GPC5: variants seen among roughly 807,000 people sequenced by gnomAD.
GPC5 encodes the protein glypican-5.
In GPC5, 47 loss-of-function variants were observed where a neutral mutation model predicts 53.9. The ratio of observed to expected loss-of-function variants is 0.87; its 90% CI spans 0.69 to 1.11. The LOEUF is 1.11. GPC5 is among the 50% of genes most tolerant of loss of function. The pLI is 0.00. For missense variants in GPC5, 748 were observed against 713.1 expected, an observed-to-expected ratio of 1.05 and a Z score of -0.56; for synonymous variants, 286 against 263.3, an observed-to-expected ratio of 1.09 and a Z score of -0.84.
chr13:91,513,411 A>G (rs1339872930), intron 2 of GPC5, among the ~76,000 whole-genome samples: 1 of 151,342 alleles, frequency 6.6e-6, no homozygotes, highest in Admixed American at 6.6e-5. Flanking sequence ...TCACACATGT[A>G]TGGGTTTGTG....
chr13:92,448,345 A>G (rs1877917218), intron 7 of GPC5: 1 of 152,144 alleles, frequency 6.6e-6, no homozygotes, highest in African/African-American at 2.4e-5. Context: ...ATAGCAAATG[A>G]ATGACTCATT....
chr13:91,714,164 C>A (rs550834906), intron 3 of GPC5, among the ~76,000 whole-genome samples: 1 of 152,320 alleles, frequency 6.6e-6, no homozygotes, highest in East Asian at 1.9e-4. Flanking sequence ...CAACAACTCA[C>A]CTCCTTCCTT....
chr13:92,776,174 T>C (rs1022906536), intron 7 of GPC5, among the ~76,000 whole-genome samples: 1 of 152,218 alleles, frequency 6.6e-6, no homozygotes, highest in Non-Finnish European at 1.5e-5. Context: ...TTCCAGTTTG[T>C]AGAGGTCACT....
intron 5 of GPC5, among the ~76,000 whole-genome samples, chr13:91,841,467 A>T (rs2038787324): frequency 1.3e-5 from 2 of 151,604 alleles, no homozygotes; most frequent in African/African-American, 4.8e-5. Context: ...CATTTTACAT[A>T]AAAAATTCAT....
intron 7 of GPC5, among the ~76,000 whole-genome samples, chr13:92,194,108 C>T (rs967697414): frequency 6.6e-6 from 1 of 152,064 alleles, no homozygotes; most frequent in East Asian, 1.9e-4. Context: ...TTTATGGAGT[C>T]CATTTAAGTA....
rs117936123 is a variant in GPC5, at chr13:92,726,658, C to T, written c.1562-139624C>T. Among the ~76,000 whole-genome samples the T allele has an allele frequency of 4.7e-3, 709 of 151,648 alleles. 3 individuals are homozygous for T. The highest frequency in any genetic ancestry group is 5.9e-3 in the Non-Finnish European group (402 of 67,674). ...TCTTGATAGGTGATCACATCTTGTT[C>T]CTGATCATATGTTACTTGCCTTTGA... On this transcript the variant is annotated intron_variant, in intron 7 of 7. Transcript: ENST00000377067.
intron 4 of GPC5, among the ~76,000 whole-genome samples, chr13:91,730,071 G>T (rs1020726979): frequency 1.3e-5 from 2 of 152,186 alleles, no homozygotes; most frequent in African/African-American, 4.8e-5. Context: ...CATTGTCCAT[G>T]AATCAGCATA....
intron 7 of GPC5, among the ~76,000 whole-genome samples, chr13:92,801,751 T>C (rs1020788841): frequency 1.3e-5 from 2 of 151,806 alleles, no homozygotes; most frequent in African/African-American, 4.8e-5. Flanking sequence ...TAAATGTTAC[T>C]TATAAAAATT....
chr13:91,819,087 G>A lies in GPC5; in HGVS notation c.1280+62667G>A, dbSNP rs575929353. ...GCCAGACTGCAAACTCCTGTTTGCT[G>A]TCAGATGTAAGCAATATCCTGACTT... On this transcript the variant is annotated intron_variant, in intron 5 of 7. Coordinates refer to ENST00000377067, the MANE Select transcript of GPC5 (RefSeq NM_004466.6). Among the ~76,000 whole-genome samples, 8 of 148,036 alleles carry A rather than the reference G, an allele frequency of 5.4e-5. No homozygotes were observed. In the East Asian group the frequency reaches 1.6e-3, roughly 29 times the overall value.
chr13:92,657,840 T>A (rs527676895), intron 7 of GPC5, among the ~76,000 whole-genome samples: 2 of 152,238 alleles, frequency 1.3e-5, no homozygotes, highest in South Asian at 4.1e-4. Flanking sequence ...GTTACTACAG[T>A]CTATATCACA....
At chr13:92,548,680 T>C (rs1882209052) in intron 7 of GPC5, among the ~76,000 whole-genome samples, 1 of 152,122 alleles carries the variant, frequency 6.6e-6, no homozygotes, top group Non-Finnish European at 1.5e-5. Flanking sequence ...ATCCCCACTT[T>C]GCTTATATAT....
At chr13:92,594,711 A>T (rs1350884371) in intron 7 of GPC5, among the ~76,000 whole-genome samples, 1 of 152,120 alleles carries the variant, frequency 6.6e-6, no homozygotes, top group African/African-American at 2.4e-5. Context: ...TAGCTAAAGA[A>T]CTCTGTCATG....
intron 5 of GPC5, among the ~76,000 whole-genome samples, chr13:91,831,938 G>T (rs1192902331): frequency 6.6e-6 from 1 of 151,964 alleles, no homozygotes; most frequent in Non-Finnish European, 1.5e-5. Flanking sequence ...ATATTCTATC[G>T]ATTTGGAGTG....
intron 7 of GPC5, among the ~76,000 whole-genome samples, chr13:92,523,688 T>C (rs1468453971): frequency 6.6e-6 from 1 of 152,050 alleles, no homozygotes. Flanking sequence ...TCAAAGAACA[T>C]GGAAATCAAC....
chr13:91,895,782 T>A lies in GPC5; in HGVS notation c.1281-12155T>A, dbSNP rs1314962216. Among the ~76,000 whole-genome samples, 3 of 152,136 alleles carry A rather than the reference T, an allele frequency of 2.0e-5. No homozygotes were observed. The East Asian group carries it at 5.8e-4, about 29-fold the overall frequency. ...CTGTGGCTGCTAGGACAAACGATCA[T>A]GAACGGAGTGATTTCAATCTACAGG... On this transcript the variant is annotated intron_variant, in intron 5 of 7. Transcript: ENST00000377067.
chr13:92,148,022 G>A (rs1388886183), intron 7 of GPC5, among the ~76,000 whole-genome samples: 1 of 152,006 alleles, frequency 6.6e-6, no homozygotes, highest in Non-Finnish European at 1.5e-5. Context: ...TCTGTGTTAA[G>A]AACTTGAAAT....
chr13:92,660,981 C>T (rs1380550579), intron 7 of GPC5, among the ~76,000 whole-genome samples: 3 of 151,846 alleles, frequency 2.0e-5, no homozygotes, highest in African/African-American at 7.3e-5. Context: ...TTTATTTTCA[C>T]CATCCACTTA....
intron 7 of GPC5, among the ~76,000 whole-genome samples, chr13:92,474,041 G>C (rs1465564783): frequency 6.6e-6 from 1 of 152,046 alleles, no homozygotes; most frequent in African/African-American, 2.4e-5. Context: ...AAGTCCCAAA[G>C]CTATGTGAAA....
At chr13:92,279,783 A>G (rs1435887933) in intron 7 of GPC5, among the ~76,000 whole-genome samples, 2 of 152,030 alleles carry the variant, frequency 1.3e-5, no homozygotes, top group East Asian at 1.9e-4. Flanking sequence ...TTGCTATGGT[A>G]TATAATTTAT....
Sources: gnomAD v4.1 joint callset for allele counts (sites outside exome capture counted in the v4.1 genomes callset) on GRCh38, gnomAD v4.1.1 for gene constraint, MANE v1.5 for transcripts, NCBI Gene and HGNC (gene_info 2026-07-23, HGNC 2026-07-21) for gene names.